Variants in DISC1 observed in about 807,000 individuals in gnomAD.
The protein encoded by DISC1 is DISC1 scaffold protein, also known as disrupted in schizophrenia 1 protein.
Under a neutral mutation model 84.5 loss-of-function variants are expected in DISC1, and 57 were observed. The observed-to-expected ratio is 0.67, with a 90% confidence interval of 0.55 to 0.84. The LOEUF (loss-of-function observed/expected upper bound fraction) is 0.84, where lower values mean the gene tolerates loss of function less well. Ranked by LOEUF, DISC1 falls within the 40% of genes least tolerant of loss-of-function variation. The pLI is 0.00. For synonymous variants in DISC1, 411 were observed against 415.2 expected, an observed-to-expected ratio of 0.99 and a Z score of 0.12; for missense variants, 1,000 against 1,057.8, an observed-to-expected ratio of 0.95 and a Z score of 0.76.
At chr1:231,708,491 C>A (rs559520411) in intron 3 of DISC1, among the ~76,000 whole-genome samples, 76 of 152,328 alleles carry the variant, frequency 5.0e-4, no homozygotes, top group African/African-American at 1.6e-3. Flanking sequence ...AATAAAATTT[C>A]TTGAGATCTC....
intron 10 of DISC1, among the ~76,000 whole-genome samples, chr1:231,993,671 A>C (rs1421693786): frequency 6.6e-6 from 1 of 152,174 alleles, no homozygotes; most frequent in African/African-American, 2.4e-5. Context: ...GGAGTTGAGG[A>C]GTTGGCACGA....
At chr1:231,629,789 ACTTTTT>A (rs1258075106) in intron 1 of DISC1, among the ~76,000 whole-genome samples, 1 of 152,188 alleles carries the variant, frequency 6.6e-6, no homozygotes, top group Non-Finnish European at 1.5e-5. Context: ...GCTCATTAAA[ACTTTTT>A]CTTTTTTTAA....
chr1:231,786,697 C>T (rs1399411529), intron 6 of DISC1, among the ~76,000 whole-genome samples: 1 of 152,176 alleles, frequency 6.6e-6, no homozygotes, highest in Non-Finnish European at 1.5e-5. Context: ...ACCTTGTCTT[C>T]CTACCCTTGC....
At chr1:231,952,090 C>CAAAAAAAAAAAAAAAAAAAAA (rs11392611) in intron 9 of DISC1, among the ~76,000 whole-genome samples, 14 of 54,226 alleles carry the variant, frequency 2.6e-4, no homozygotes, top group Non-Finnish European at 3.4e-4. Context: ...CTCAATGTCT[C>CAAAAAAAAAAAAAAAAAAAAA]AAAAAAAAAA....
intron 4 of DISC1, among the ~76,000 whole-genome samples, chr1:231,754,187 C>T (rs1164035453): frequency 6.6e-6 from 1 of 152,136 alleles, no homozygotes; most frequent in Admixed American, 6.5e-5. Context: ...GGTATCTTTA[C>T]TTTATAGCAA....
At position 232,036,867 on chromosome 1, in the gene DISC1, T is replaced by C. The variant is rs760930472; in HGVS notation, c.*36T>C. On this transcript the variant is annotated 3_prime_UTR_variant, in exon 13 of 13. Transcript: ENST00000439617. ...GATGGGGGAGGGAGGTGGGCCACCA[T>C]GTTTGGACCCGGGGGGCTGCTCTTC... is the stretch of plus-strand genomic sequence containing the variant. 2 of 1,490,324 alleles carry C rather than the reference T, an allele frequency of 1.3e-6. No individual in the cohort carries two copies. The highest frequency in any genetic ancestry group is 2.7e-5 in the South Asian group (2 of 73,246). 92.3% of individuals were successfully genotyped at this position (1,490,324 alleles called of 1,614,324 possible).
At chr1:231,724,040 A>G in intron 3 of DISC1, 2 of 984,438 alleles carry the variant, frequency 2.0e-6, no homozygotes, top group Non-Finnish European at 2.4e-6. Flanking sequence ...GTTCTATTCT[A>G]GTTCATTAAA....
intron 3 of DISC1, among the ~76,000 whole-genome samples, chr1:231,745,729 T>C (rs1288111665): frequency 6.6e-6 from 1 of 152,288 alleles, no homozygotes; most frequent in East Asian, 1.9e-4. Context: ...TCTAATATCC[T>C]CTATCCTACC....
intron 1 of DISC1, among the ~76,000 whole-genome samples, chr1:231,644,972 G>C (rs546873205): frequency 6.6e-6 from 1 of 151,792 alleles, no homozygotes; most frequent in Admixed American, 6.6e-5. Context: ...CAGGATTGTC[G>C]CAGTAGCCTT....
chr1:231,726,551 A>G (rs2125140840), intron 3 of DISC1, among the ~76,000 whole-genome samples: 1 of 152,304 alleles, frequency 6.6e-6, no homozygotes, highest in East Asian at 1.9e-4. Context: ...GCAGCGGGGC[A>G]ACAGGGAAAG....
intron 1 of DISC1, among the ~76,000 whole-genome samples, chr1:231,689,202 G>A (rs774931943): frequency 5.3e-5 from 8 of 152,072 alleles, no homozygotes; most frequent in South Asian, 4.2e-4. Flanking sequence ...TTGTAAAGTC[G>A]TGTTCTTCTC....
At chr1:231,900,953 A>G (rs1475598699) in intron 9 of DISC1, among the ~76,000 whole-genome samples, 1 of 152,236 alleles carries the variant, frequency 6.6e-6, no homozygotes, top group Non-Finnish European at 1.5e-5. Context: ...CTAGTCTGCC[A>G]TGGGTTTGGT....
At chr1:231,793,758 A>G (rs1251918038) in intron 6 of DISC1, among the ~76,000 whole-genome samples, 1 of 152,002 alleles carries the variant, frequency 6.6e-6, no homozygotes, top group East Asian at 1.9e-4. Context: ...AAAACTCAAA[A>G]CTCCTTAGTC....
chr1:231,965,052 C>A (rs2102787380), intron 10 of DISC1, among the ~76,000 whole-genome samples: 1 of 152,244 alleles, frequency 6.6e-6, no homozygotes, highest in Middle Eastern at 3.4e-3. Context: ...TATACAGAGA[C>A]CTGAAGACCC....
intron 10 of DISC1, among the ~76,000 whole-genome samples, chr1:231,960,416 C>A (rs1282369545): frequency 2.0e-5 from 3 of 152,110 alleles, no homozygotes; most frequent in Admixed American, 2.0e-4. Flanking sequence ...CCATGCCCGG[C>A]TCATTTTTTT....
chr1:231,800,150 G>C lies in DISC1; in HGVS notation c.1732G>C (p.Val578Leu), dbSNP rs1202684576. 6.2e-7 allele frequency: 1 copy of C among 1,611,894 alleles called. No homozygotes were observed. Among genetic ancestry groups the C allele is most frequent in the East Asian group, 2.2e-5 (1 of 44,722 alleles). ...ATTCTGCAGCACCCTGAGGAAGAAA[G>C]TTAACGATATTGAAACCCAACTACC... ...EKFCSTLRKK[V>L]NDIETQLPAL... is the part of the protein sequence containing the mutation. The change falls in exon 8 of 13, where the codon GTT becomes CTT. Residue 578 changes from valine to leucine, a missense_variant. Physicochemically the swap from Val to Leu is conservative, Grantham distance 32. This residue lies in a region of DISC1 where 397 missense variants were observed against 377.5 expected (regional missense o/e 1.05). Coordinates refer to ENST00000439617, the MANE Select transcript of DISC1 (RefSeq NM_018662.3).
chr1:232,007,954 G>C (rs1339928463), intron 10 of DISC1, among the ~76,000 whole-genome samples: 2 of 152,108 alleles, frequency 1.3e-5, no homozygotes, highest in Admixed American at 6.5e-5. Flanking sequence ...TTTATAAAGG[G>C]CTCTTTCCCC....
At chr1:231,884,688 A>C (rs1330717066) in intron 9 of DISC1, among the ~76,000 whole-genome samples, 3 of 152,104 alleles carry the variant, frequency 2.0e-5, no homozygotes, top group Admixed American at 6.6e-5. Context: ...CCCATTGGGC[A>C]CTATACTTGT....
Position 232,009,093 on chromosome 1 carries a change from A to C in DISC1, c.2307+44A>C. On this transcript the variant is annotated intron_variant, in intron 11 of 12. Transcript: ENST00000439617. The surrounding 1 kb of genome is among the most constrained non-coding windows in gnomAD (Gnocchi z 4.6). ...GCCTCCAGAGGGGACCCTTATTCTA[A>C]GGGGTGCTTTGGGACCATGCTCCAA... The C allele has an allele frequency of 6.2e-7, 1 of 1,612,820 alleles. No individual in the cohort carries two copies. Among genetic ancestry groups the C allele is most frequent in the South Asian group, 1.1e-5 (1 of 90,764 alleles).
Sources: gnomAD v4.1 joint callset for allele counts (sites outside exome capture counted in the v4.1 genomes callset) on GRCh38, gnomAD v4.1.1 for gene constraint, gnomAD v4.1.1 regional missense constraint, Gnocchi (gnomAD v3.1) non-coding constraint, MANE v1.5 for transcripts, NCBI Gene and HGNC (gene_info 2026-07-23, HGNC 2026-07-21) for gene names.